DCT: variants seen among roughly 807,000 people sequenced by gnomAD.
The protein encoded by DCT is dopachrome tautomerase, also known as L-dopachrome tautomerase.
DCT carries 47 observed loss-of-function variants against 53.0 expected under a neutral mutation model. That is an observed-to-expected ratio of 0.89 (90% CI 0.70 to 1.13). DCT has a LOEUF of 1.13. Ranked by LOEUF, DCT falls within the 50% of genes most tolerant of loss-of-function variation. The pLI, the probability that DCT is intolerant of heterozygous loss-of-function variation, is 0.00. For missense variants in DCT, 669 were observed against 637.4 expected, an observed-to-expected ratio of 1.05 and a Z score of -0.53; for synonymous variants, 244 against 237.0, an observed-to-expected ratio of 1.03 and a Z score of -0.27.
At chr13:94,452,612 A>G (rs752258318) in intron 6 of DCT, 18 of 769,066 alleles carry the variant, frequency 2.3e-5, no homozygotes, top group South Asian at 2.1e-4. Flanking sequence ...CTTACCTTAC[A>G]TGTTCAAGGA....
intron 6 of DCT, among the ~76,000 whole-genome samples, chr13:94,450,202 G>C (rs143501210): frequency 4.0e-4 from 61 of 152,194 alleles, no homozygotes; most frequent in Non-Finnish European, 6.5e-4. Flanking sequence ...CTAATGCCTT[G>C]ATCTTCAACT....
At chr13:94,457,124 C>T (rs1377275865) in intron 6 of DCT, among the ~76,000 whole-genome samples, 30 of 152,030 alleles carry the variant, frequency 2.0e-4, no homozygotes, top group East Asian at 1.9e-4. Flanking sequence ...AGAGAGACTC[C>T]GTCTCAAAAA....
At chr13:94,499,994 T>C in the DCT span, among the ~76,000 whole-genome samples, 1 of 152,350 alleles carries the variant, frequency 6.6e-6, no homozygotes, top group Admixed American at 6.5e-5. Context: ...CCATAACATA[T>C]AGTTACCTTT....
In DCT at chr13:94,479,452, A is replaced by G; in HGVS notation, c.-197T>C. ...TGTGCACATGTGTACATGAACGTGCACACACAATTTTATGTGATTCAAACA... is the reference window on the plus strand; with the variant it reads ...TGTGCACATGTGTACATGAACGTGCGCACACAATTTTATGTGATTCAAACA... On this transcript the variant is annotated 5_prime_UTR_variant, in exon 1 of 8. Coordinates refer to ENST00000377028, the MANE Select transcript of DCT (RefSeq NM_001922.5). The G allele has an allele frequency of 1.9e-6, 1 of 534,912 alleles. No homozygotes were observed. The highest frequency in any genetic ancestry group is 3.2e-6 in the Non-Finnish European group (1 of 311,658). The allele number at this position is 534,912 out of a possible 1,614,324, so 33.1% of individuals were successfully genotyped here.
chr13:94,527,642 T>A, the DCT span, among the ~76,000 whole-genome samples: 6 of 152,016 alleles, frequency 3.9e-5, no homozygotes, highest in Non-Finnish European at 8.8e-5. Context: ...GTTACCAATA[T>A]CAAAGACCAA....
the DCT span, among the ~76,000 whole-genome samples, chr13:94,547,984 A>AAAAAAAAAATAT: frequency 7.6e-5 from 5 of 65,844 alleles, no homozygotes; most frequent in African/African-American, 5.2e-4. Flanking sequence ...AAAAAAAAAA[A>AAAAAAAAAATAT]ATATATATAT....
At chr13:94,526,340 T>G in the DCT span, among the ~76,000 whole-genome samples, 20 of 152,206 alleles carry the variant, frequency 1.3e-4, no homozygotes, top group African/African-American at 4.6e-4. Flanking sequence ...GCACAAAGAA[T>G]TTCCCAAACT....
intron 2 of DCT, chr13:94,467,140 C>T (rs1373052478): frequency 1.3e-5 from 2 of 152,270 alleles, no homozygotes; most frequent in Non-Finnish European, 2.9e-5. Flanking sequence ...ATTTATGTAA[C>T]CAAAAAGAAC....
chr13:94,536,817 G>T, the DCT span, among the ~76,000 whole-genome samples: 6 of 152,132 alleles, frequency 3.9e-5, no homozygotes, highest in Admixed American at 2.6e-4. Flanking sequence ...AGTGGTGGGA[G>T]CTTGTAATCC....
chr13:94,544,025 ACT>A, the DCT span, among the ~76,000 whole-genome samples: 3 of 127,618 alleles, frequency 2.4e-5, no homozygotes, highest in Admixed American at 2.6e-4. Context: ...ACAGAGCAAG[ACT>A]CTGTCTCAAA....
the DCT span, among the ~76,000 whole-genome samples, chr13:94,504,156 G>T: frequency 1.3e-5 from 2 of 152,174 alleles, no homozygotes; most frequent in South Asian, 2.1e-4. Context: ...TGTGATTCTT[G>T]TGTTTGGCTA....
chr13:94,462,887 G>A (rs1883905112), intron 4 of DCT, among the ~76,000 whole-genome samples: 1 of 152,222 alleles, frequency 6.6e-6, no homozygotes, highest in Non-Finnish European at 1.5e-5. Context: ...GACATGTAAA[G>A]TTACGAAAAC....
chr13:94,436,927 A>T lies in DCT; in HGVS notation c.*2971T>A, dbSNP rs553248368. ...GCTTCAACCTTAGAGTCTCCAACAA[A>T]TTGACCCATCTTGAAGGCTTATCTG... On this transcript the variant is annotated 3_prime_UTR_variant, in exon 8 of 8. Transcript: ENST00000377028. The T allele has an allele frequency of 6.6e-6, 1 of 152,320 alleles. No homozygotes were observed. The highest frequency in any genetic ancestry group is 2.4e-5 in the African/African-American group (1 of 41,564). The allele number at this position is 152,320 out of a possible 1,614,324, so 9.4% of individuals were successfully genotyped here.
chr13:94,526,937 C>A, the DCT span, among the ~76,000 whole-genome samples: 1 of 152,102 alleles, frequency 6.6e-6, no homozygotes, highest in Non-Finnish European at 1.5e-5. Flanking sequence ...ACTTTTCCCA[C>A]AGTCTTAGCA....
intron 4 of DCT, among the ~76,000 whole-genome samples, chr13:94,464,271 G>A (rs937878910): frequency 2.0e-5 from 3 of 152,336 alleles, no homozygotes; most frequent in East Asian, 1.9e-4. Context: ...CCTGGGGGCC[G>A]GGGGAGCCAC....
chr13:94,437,087 G>C lies in DCT; in HGVS notation c.*2811C>G, dbSNP rs1000341489. On this transcript the variant is annotated 3_prime_UTR_variant, in exon 8 of 8. Coordinates refer to ENST00000377028, the MANE Select transcript of DCT (RefSeq NM_001922.5). ...AGTAACTTCACCTGAGGAAAGGCTG[G>C]CTCTCCTTTTCCTACCTGTTCAAAC... The C allele has an allele frequency of 9.9e-5, 15 of 152,228 alleles. No individual in the cohort carries two copies. The highest frequency in any genetic ancestry group is 3.6e-4 in the African/African-American group (15 of 41,532). The allele number at this position is 152,228 out of a possible 1,614,324, so 9.4% of individuals were successfully genotyped here.
intron 6 of DCT, among the ~76,000 whole-genome samples, chr13:94,458,795 C>T: frequency 6.6e-6 from 1 of 152,130 alleles, no homozygotes; most frequent in East Asian, 1.9e-4. Context: ...GAGCAAGACT[C>T]TGTCTCCAAA....
the DCT span, among the ~76,000 whole-genome samples, chr13:94,541,178 G>A: frequency 1.3e-5 from 2 of 152,140 alleles, no homozygotes; most frequent in Admixed American, 1.3e-4. Context: ...TGTCTAATGG[G>A]CACAAAAATA....
chr13:94,518,125 G>C, the DCT span, among the ~76,000 whole-genome samples: 2 of 120,826 alleles, frequency 1.7e-5, 1 homozygote, highest in Admixed American at 1.6e-4. Context: ...AAGGAAGGAA[G>C]GAAGGAAGGA....
Sources: gnomAD v4.1 joint callset for allele counts (sites outside exome capture counted in the v4.1 genomes callset) on GRCh38, gnomAD v4.1.1 for gene constraint, MANE v1.5 for transcripts, NCBI Gene and HGNC (gene_info 2026-07-23, HGNC 2026-07-21) for gene names.